The following CADM2 variants were observed in gnomAD, a reference collection of about 807,000 sequenced individuals.
CADM2 encodes immunoglobulin superfamily member 4D.
Under a neutral mutation model 49.8 loss-of-function variants are expected in CADM2, and 12 were observed. That is an observed-to-expected ratio of 0.24 (90% CI 0.15 to 0.39). The LOEUF is 0.39. Among genes scored for constraint, CADM2 ranks in the 10% least tolerant of loss-of-function variants. The pLI is 1.00. For synonymous variants in CADM2, 214 were observed against 175.4 expected, an observed-to-expected ratio of 1.22 and a Z score of -1.74; for missense variants, 378 against 492.3, an observed-to-expected ratio of 0.77 and a Z score of 2.20.
chr3:86,014,937 C>A, intron 8 of CADM2: 4 of 1,481,380 alleles, frequency 2.7e-6, no homozygotes, highest in Non-Finnish European at 3.8e-6. Context: ...TGAAAATGGA[C>A]GAAAGCGTCT....
chr3:85,651,911 C>T (rs905609879), intron 1 of CADM2, among the ~76,000 whole-genome samples: 9 of 150,788 alleles, frequency 6.0e-5, no homozygotes, highest in East Asian at 1.9e-4. Context: ...TCTGCCTCCC[C>T]GGTTCACGCC....
intron 6 of CADM2, among the ~76,000 whole-genome samples, chr3:85,919,022 G>T (rs1718753213): frequency 6.6e-6 from 1 of 151,910 alleles, no homozygotes; most frequent in African/African-American, 2.4e-5. Context: ...TAAACTTAAT[G>T]AAAATGAAAA....
At chr3:85,952,431 C>T (rs1250014713) in intron 7 of CADM2, among the ~76,000 whole-genome samples, 2 of 150,952 alleles carry the variant, frequency 1.3e-5, no homozygotes, top group East Asian at 3.9e-4. Flanking sequence ...CCAGTTCTGC[C>T]CTCTTCCCTG....
chr3:86,012,563 G>T (rs1269134677), intron 8 of CADM2: 13 of 1,526,566 alleles, frequency 8.5e-6, no homozygotes, highest in Middle Eastern at 2.3e-4. Context: ...GGGCGAAGAT[G>T]CCGAACTTCT....
chr3:85,500,860 A>G (rs536885686), intron 1 of CADM2, among the ~76,000 whole-genome samples: 3 of 152,002 alleles, frequency 2.0e-5, no homozygotes, highest in Non-Finnish European at 4.4e-5. Flanking sequence ...TGTTGAGATT[A>G]TGTTTGCCAT....
intron 1 of CADM2, among the ~76,000 whole-genome samples, chr3:85,466,173 T>C (rs995788981): frequency 6.6e-6 from 1 of 152,196 alleles, no homozygotes; most frequent in Non-Finnish European, 1.5e-5. Flanking sequence ...CAGGTAGCAG[T>C]AGTTTTCTTC....
chr3:85,941,050 G>T (rs1198753803), intron 7 of CADM2, among the ~76,000 whole-genome samples: 1 of 151,928 alleles, frequency 6.6e-6, no homozygotes, highest in Non-Finnish European at 1.5e-5. Context: ...TTACATTAGG[G>T]TTCACTCTTA....
At chr3:85,127,677 A>C (rs547380728) in intron 1 of CADM2, among the ~76,000 whole-genome samples, 1 of 152,186 alleles carries the variant, frequency 6.6e-6, no homozygotes, top group East Asian at 1.9e-4. Flanking sequence ...TTTCTCTTCA[A>C]ACTGGTCTTT....
At chr3:85,987,692 TATA>T (rs1208610500) in intron 8 of CADM2, among the ~76,000 whole-genome samples, 3 of 146,728 alleles carry the variant, frequency 2.0e-5, no homozygotes, top group African/African-American at 4.9e-5. Context: ...TATAAAATAA[TATA>T]ATAAAAATAA....
At chr3:85,375,943 A>G (rs2033568771) in intron 1 of CADM2, among the ~76,000 whole-genome samples, 1 of 152,122 alleles carries the variant, frequency 6.6e-6, no homozygotes. Context: ...ATTTAAGGGT[A>G]CCTAAGTAAA....
At chr3:85,305,881 T>A (rs1486518691) in intron 1 of CADM2, among the ~76,000 whole-genome samples, 1 of 151,700 alleles carries the variant, frequency 6.6e-6, no homozygotes, top group Admixed American at 6.6e-5. Context: ...GTCTCTTTCT[T>A]TTTTTGAAAT....
intron 1 of CADM2, among the ~76,000 whole-genome samples, chr3:85,313,497 T>A (rs2044392844): frequency 6.6e-6 from 1 of 152,188 alleles, no homozygotes; most frequent in Admixed American, 6.5e-5. Context: ...TTTCTTTGGA[T>A]ATCAAACCTT....
intron 1 of CADM2, among the ~76,000 whole-genome samples, chr3:85,652,563 T>G (rs1465760541): frequency 1.3e-5 from 2 of 152,066 alleles, no homozygotes; most frequent in Non-Finnish European, 2.9e-5. Context: ...CCTTTTGGAC[T>G]GAGATGCTCA....
At chr3:85,244,491 C>A (rs1439928268) in intron 1 of CADM2, among the ~76,000 whole-genome samples, 2 of 152,046 alleles carry the variant, frequency 1.3e-5, no homozygotes, top group Non-Finnish European at 2.9e-5. Flanking sequence ...CCTTTATTGA[C>A]CTTGCAAAAT....
chr3:85,444,469 C>CA (rs2037355568), intron 1 of CADM2, among the ~76,000 whole-genome samples: 2 of 138,514 alleles, frequency 1.4e-5, no homozygotes, highest in African/African-American at 2.7e-5. Flanking sequence ...ACACACACAC[C>CA]CTTGCCCCAA....
intron 1 of CADM2, among the ~76,000 whole-genome samples, chr3:85,145,589 G>A (rs548237655): frequency 6.6e-6 from 1 of 151,794 alleles, no homozygotes; most frequent in Admixed American, 6.6e-5. Flanking sequence ...ATCAAATAAA[G>A]TCCAGGGACC....
At chr3:85,186,963 G>A (rs1284958777) in intron 1 of CADM2, among the ~76,000 whole-genome samples, 1 of 152,050 alleles carries the variant, frequency 6.6e-6, no homozygotes, top group Non-Finnish European at 1.5e-5. Flanking sequence ...AAACCATGAG[G>A]TTTTTCTGTA....
intron 1 of CADM2, among the ~76,000 whole-genome samples, chr3:85,516,084 T>C (rs1559881158): frequency 6.6e-6 from 1 of 152,156 alleles, no homozygotes; most frequent in Non-Finnish European, 1.5e-5. Context: ...AAAATGTTAA[T>C]AATATTCATG....
At chr3:85,158,878 A>T (rs566062193) in intron 1 of CADM2, among the ~76,000 whole-genome samples, 70 of 151,216 alleles carry the variant, frequency 4.6e-4, no homozygotes, top group South Asian at 3.1e-3. Flanking sequence ...ATAAAAATTT[A>T]AAAAAAATTA....
Sources: allele counts gnomAD v4.1 joint callset (sites outside exome capture counted in the v4.1 genomes callset), GRCh38; gene constraint gnomAD v4.1.1; transcripts MANE v1.5; gene names NCBI Gene and HGNC (gene_info 2026-07-23, HGNC 2026-07-21).